EIF4A2: variants seen among roughly 807,000 people sequenced by gnomAD.
EIF4A2 encodes eukaryotic initiation factor 4A-II.
In EIF4A2, 9 loss-of-function variants were observed where a neutral mutation model predicts 50.6. The ratio of observed to expected loss-of-function variants is 0.18; its 90% CI spans 0.11 to 0.31. The LOEUF (loss-of-function observed/expected upper bound fraction) is 0.31. Among genes scored for constraint, EIF4A2 ranks in the 10% least tolerant of loss-of-function variants. EIF4A2 has a pLI of 1.00. For synonymous variants in EIF4A2, 215 were observed against 164.4 expected (o/e 1.31, Z -2.35); for missense variants, 182 against 501.8 (o/e 0.36, Z 6.09).
Position 186,785,930 on chromosome 3 carries a change from T to C in EIF4A2, c.396T>C (p.Cys132=), listed in dbSNP as rs372520693. 6.2e-6 allele frequency: 10 copies of C among 1,611,312 alleles called. No individual in the cohort carries two copies. The highest frequency in any genetic ancestry group is 7.6e-6 in the Non-Finnish European group (9 of 1,177,702). The stretch of plus-strand genomic sequence containing the variant: ...TTGGAGACTATATGGGAGCCACTTG[T>C]CATGCCTGCATTGGTGGAACAAATG... ...LALGDYMGAT[C]HACIGGTNVR... The change falls in exon 5 of 11, where the codon TGT becomes TGC. Residue 132 remains cysteine (C), a synonymous_variant. Transcript: ENST00000323963.
rs1165397556 is a variant in EIF4A2, at chr3:186,784,177, C to T, written c.30-255C>T. The T allele has an allele frequency of 2.1e-5, 12 of 567,374 alleles. No individual in the cohort carries two copies. The East Asian group carries it at 2.1e-4, about 10-fold the overall frequency. The allele number at this position is 567,374 out of a possible 1,614,324, so 35.1% of individuals were successfully genotyped here. A position where few individuals can be genotyped will look rare whatever the true frequency, so the allele number is the denominator to read the frequency against. On this transcript the variant is annotated intron_variant, in intron 1 of 10. Transcript: ENST00000323963. ...GCATTGTTGGGGGCGGAGTTCGGCGCTCCGAGCTCTCGCGAGACGCTCCGC... is the reference window on the plus strand; with the variant it reads ...GCATTGTTGGGGGCGGAGTTCGGCGTTCCGAGCTCTCGCGAGACGCTCCGC...
rs759987412 is a variant in EIF4A2, at chr3:186,784,526, A to C, written c.76-38A>C. ...AAGCTTTGGAAAGGTGAGTGTGTTCATCTCATTTATGCGTGCATTATTTTT... is the reference window on the plus strand; with the variant it reads ...AAGCTTTGGAAAGGTGAGTGTGTTCCTCTCATTTATGCGTGCATTATTTTT... On this transcript the variant is annotated intron_variant, in intron 2 of 10. Transcript: ENST00000323963. The C allele has an allele frequency of 2.5e-6, 4 of 1,614,092 alleles. No homozygotes were observed. In the Admixed American group the frequency reaches 5.0e-5, roughly 20 times the overall value.
rs375367664 is a variant in EIF4A2 at position 186,786,282 on chromosome 3, T to C, written c.627+9T>C. 46 of 1,608,612 alleles carry C rather than the reference T, an allele frequency of 2.9e-5. No homozygotes were observed. The African/African-American group carries it at 5.7e-4, about 20-fold the overall frequency. ...TAAACACAAGTATTCAGGTAAGCAT[T>C]ACTTCACCCCCCTCTTAAAGGTAGA... is the stretch of plus-strand genomic sequence containing the variant. On this transcript the variant is annotated intron_variant, in intron 6 of 10. Coordinates refer to ENST00000323963, the MANE Select transcript of EIF4A2 (RefSeq NM_001967.4).
rs1579171566 is a variant in EIF4A2, at chr3:186,789,424, G to A, written c.*155G>A. The stretch of plus-strand genomic sequence containing the variant: ...TTTTGATAGCAAAGCGACGTTAGTC[G>A]TGAGCTCTTGTGAGGAAAGTCATTG... On this transcript the variant is annotated 3_prime_UTR_variant, in exon 11 of 11. Transcript: ENST00000323963. The A allele has an allele frequency of 5.9e-6, 6 of 1,025,466 alleles. No homozygotes were observed. The highest frequency in any genetic ancestry group is 4.0e-5 in the South Asian group (2 of 50,274). The allele number at this position is 1,025,466 out of a possible 1,614,324, so 63.5% of individuals were successfully genotyped here.
Position 186,789,366 on chromosome 3 carries a change from G to C in EIF4A2, c.*97G>C. On this transcript the variant is annotated 3_prime_UTR_variant, in exon 11 of 11. Coordinates refer to ENST00000323963, the MANE Select transcript of EIF4A2 (RefSeq NM_001967.4). The stretch of plus-strand genomic sequence containing the variant: ...CTTTCTTTGGGAATATTTGAATCTT[G>C]TCTCAATGCTCATAACGGATCAGAA... 6 of 1,480,432 alleles carry C rather than the reference G, an allele frequency of 4.1e-6. No individual in the cohort carries two copies. The highest frequency in any genetic ancestry group is 5.4e-6 in the Non-Finnish European group (6 of 1,102,830). The allele number at this position is 1,480,432 out of a possible 1,614,324, so 91.7% of individuals were successfully genotyped here.
chr3:186,784,708 T>C lies in EIF4A2; in HGVS notation c.208+12T>C. 6.2e-7 allele frequency: 1 copy of C among 1,612,318 alleles called. No individual in the cohort carries two copies. The highest frequency in any genetic ancestry group is 8.5e-7 in the Non-Finnish European group (1 of 1,179,078). On this transcript the variant is annotated intron_variant, in intron 3 of 10. Coordinates refer to ENST00000323963, the MANE Select transcript of EIF4A2 (RefSeq NM_001967.4). The stretch of plus-strand genomic sequence containing the variant: ...TCCCTGTATTAAAGGTAAAAGAAAC[T>C]GGCATTTTTAGGAAATTGTTCTACA...
intron 8 of EIF4A2, 108 bp downstream of exon 8, chr3:186,787,372 T>A: frequency 6.2e-7 from 1 of 1,610,218 alleles, no homozygotes; most frequent in Non-Finnish European, 8.5e-7. Context: ...TAAAGTTGTT[T>A]CTTAACTATA....
intron 1 of EIF4A2, chr3:186,784,119 G>T: frequency 2.0e-6 from 1 of 500,942 alleles, no homozygotes; most frequent in Middle Eastern, 5.5e-4. Context: ...GCCCTCGCCA[G>T]GCCGCTCCGC....
chr3:186,786,574 C>A lies in EIF4A2; in HGVS notation c.700C>A (p.Arg234=). 1 of 1,613,718 alleles carries A rather than the reference C, an allele frequency of 6.2e-7. No individual in the cohort carries two copies. Among genetic ancestry groups the A allele is most frequent in the South Asian group, 1.1e-5 (1 of 91,056 alleles). The change falls in exon 7 of 11, where the codon CGA becomes AGA. Residue 234 remains arginine (R), a synonymous_variant. Transcript: ENST00000323963. ...CAAAAAATTCATGAGAGATCCAATTCGAATTCTGGTGAAAAAGGAAGAATT... is the reference window on the plus strand; with the variant it reads ...CAAAAAATTCATGAGAGATCCAATTAGAATTCTGGTGAAAAAGGAAGAATT... The part of the protein sequence containing the change: ...VTKKFMRDPI[R]ILVKKEELTL...
rs1350253423 is a variant in EIF4A2 at position 186,789,163 on chromosome 3, C to CTA, written c.1121_1122dup (p.Asn375Ter). 1 of 1,613,662 alleles carries CTA rather than the reference C, an allele frequency of 6.2e-7. No individual in the cohort carries two copies. Among genetic ancestry groups the CTA allele is most frequent in the Non-Finnish European group, 8.5e-7 (1 of 1,179,792 alleles). The stretch of plus-strand genomic sequence containing the variant: ...GGTCGATTTGGGAGGAAAGGTGTGG[C>CTA]TATAAACTTTGTTACTGAAGAAGAC... On this transcript the variant is annotated frameshift_variant, in exon 11 of 11. Coordinates refer to ENST00000323963, the MANE Select transcript of EIF4A2 (RefSeq NM_001967.4). LOFTEE classifies it high-confidence loss of function.
intron 10 of EIF4A2, 75 bp from the exon 11 acceptor site, chr3:186,789,050 T>TA: frequency 6.6e-7 from 1 of 1,513,850 alleles, no homozygotes; most frequent in African/African-American, 1.4e-5. Context: ...AGCTGGTGGT[T>TA]AACAAGTGGA....
intron 3 of EIF4A2, 64 bp from the exon 4 acceptor site, chr3:186,784,898 A>G (rs2108455361): frequency 4.3e-6 from 7 of 1,613,150 alleles, no homozygotes; most frequent in South Asian, 1.1e-5. Flanking sequence ...AATGGAATAC[A>G]TGGTGTGAAG....
At position 186,785,275 on chromosome 3, in the gene EIF4A2, A is replaced by G. The variant is rs530886783; in HGVS notation, c.348+174A>G. ...TTTTAAAAGAACTGGGTATGCAGGT[A>G]TGGTTTGTAGGGTTGTATACTAATA... On this transcript the variant is annotated intron_variant, in intron 4 of 10. Coordinates refer to ENST00000323963, the MANE Select transcript of EIF4A2 (RefSeq NM_001967.4). The G allele has an allele frequency of 4.5e-6, 4 of 893,372 alleles. No individual in the cohort carries two copies. The African/African-American group carries it at 6.7e-5, about 15-fold the overall frequency. The allele number at this position is 893,372 out of a possible 1,614,324, so 55.3% of individuals were successfully genotyped here.
intron 10 of EIF4A2, chr3:186,788,816 C>T (rs1256824971): frequency 6.8e-6 from 2 of 294,784 alleles, no homozygotes; most frequent in Non-Finnish European, 1.3e-5. Flanking sequence ...CTGCTCTTGG[C>T]TGGCCCACTT....
rs774265072 is a variant in EIF4A2, at chr3:186,786,035, A to G, written c.501A>G (p.Leu167=). The change falls in exon 5 of 11, where the codon TTA becomes TTG. Residue 167 remains leucine, a synonymous_variant. Coordinates refer to ENST00000323963, the MANE Select transcript of EIF4A2 (RefSeq NM_001967.4). The part of the protein sequence containing the change: ...VGTPGRVFDM[L]NRRYLSPKWI... ...CACCCGGGAGAGTGTTTGATATGTT[A>G]AACAGAAGATACCTTTGTAAGTATT... The G allele has an allele frequency of 2.5e-6, 4 of 1,605,490 alleles. No homozygotes were observed. The highest frequency in any genetic ancestry group is 3.4e-6 in the Non-Finnish European group (4 of 1,172,582).
chr3:186,789,093 GAAGT>G, intron 10 of EIF4A2, 28 bp from the exon 11 acceptor site: 1 of 1,606,256 alleles, frequency 6.2e-7, no homozygotes, highest in Non-Finnish European at 8.5e-7. Flanking sequence ...CATTATGTGA[GAAGT>G]AACGTTCTGA....
chr3:186,789,569 T>C lies in EIF4A2; in HGVS notation c.*300T>C, dbSNP rs893992269. On this transcript the variant is annotated 3_prime_UTR_variant, in exon 11 of 11. Transcript: ENST00000323963. The stretch of plus-strand genomic sequence containing the variant: ...AGAAATGGTTGTATTAGATGTTCTC[T>C]ATCATTTAATAATATACTTGTGGAC... 10 of 338,858 alleles carry C rather than the reference T, an allele frequency of 3.0e-5. No individual in the cohort carries two copies. In the East Asian group the frequency reaches 4.7e-4, roughly 16 times the overall value. 21.0% of individuals were successfully genotyped at this position (338,858 alleles called of 1,614,324 possible). A position where few individuals can be genotyped will look rare whatever the true frequency, so the allele number is the denominator to read the frequency against.
chr3:186,789,799 C>A lies in EIF4A2; in HGVS notation c.*530C>A. The A allele has an allele frequency of 1.7e-6, 1 of 581,806 alleles. No individual in the cohort carries two copies. Among genetic ancestry groups the A allele is most frequent in the Non-Finnish European group, 3.0e-6 (1 of 330,858 alleles). The allele number at this position is 581,806 out of a possible 1,614,324, so 36.0% of individuals were successfully genotyped here. A position where few individuals can be genotyped will look rare whatever the true frequency, so the allele number is the denominator to read the frequency against. On this transcript the variant is annotated 3_prime_UTR_variant, in exon 11 of 11. Transcript: ENST00000323963. Reference sequence around the variant, plus strand: ...ACTGGACCCTGTTGCTAAGCCCCAGCAAGCAATCCTAGGTAGGGTTTAATC... The same window carrying A: ...ACTGGACCCTGTTGCTAAGCCCCAGAAAGCAATCCTAGGTAGGGTTTAATC...
At chr3:186,788,450 A>G (rs1308267818) in intron 10 of EIF4A2, 1 of 1,229,488 alleles carries the variant, frequency 8.1e-7, no homozygotes, top group Non-Finnish European at 1.0e-6. Context: ...TTTTGTCATG[A>G]TTATTTGATT....
Sources: gnomAD v4.1 joint callset for allele counts on GRCh38, gnomAD v4.1.1 for gene constraint, MANE v1.5 for transcripts, NCBI Gene and HGNC (gene_info 2026-07-23, HGNC 2026-07-21) for gene names.